Variants in NUDC observed in about 807,000 individuals in gnomAD.
NUDC encodes the protein nuclear migration protein nudC.
Under a neutral mutation model 45.0 loss-of-function variants are expected in NUDC, and 14 were observed. The observed-to-expected ratio is 0.31, with a 90% CI of 0.21 to 0.49. NUDC has a LOEUF of 0.49. NUDC is among the 20% of genes least tolerant of loss of function. The pLI, the probability that NUDC is intolerant of heterozygous loss-of-function variation, is 0.99. For missense variants in NUDC, 323 were observed against 426.2 expected (o/e 0.76, Z 2.13); for synonymous variants, 153 against 156.7 (o/e 0.98, Z 0.17).
intron 1 of NUDC, among the ~76,000 whole-genome samples, chr1:26,901,822 C>T (rs547304666): frequency 1.3e-5 from 2 of 152,194 alleles, no homozygotes; most frequent in South Asian, 4.1e-4. Context: ...TGAGAGACCT[C>T]AAACAAAAGC....
At chr1:26,932,426 G>A (rs556310342) in intron 2 of NUDC, among the ~76,000 whole-genome samples, 10 of 151,950 alleles carry the variant, frequency 6.6e-5, no homozygotes, top group African/African-American at 2.4e-4. Context: ...TGATCCTCCT[G>A]CCTCGACTTC....
At chr1:26,913,996 T>TGCTGTGTTCTGCGCTGTGTTCTGC in intron 3 of NUDC, 1 of 1,337,682 alleles carries the variant, frequency 7.5e-7, no homozygotes, top group Non-Finnish European at 9.7e-7. Context: ...GCGCTGTGGG[T>TGCTGTGTTCTGCGCTGTGTTCTGC]GCTATTTATA....
In NUDC at chr1:26,942,505, G is replaced by C. The variant is rs148882215; in HGVS notation, c.430-155G>C. On this transcript the variant is annotated intron_variant, in intron 4 of 8. Coordinates refer to ENST00000321265, the MANE Select transcript of NUDC (RefSeq NM_006600.4). ...TTTACCTGGTTCCCAGTGGACCAAG[G>C]CTTGGGGGTCTGCCCCTCTGTGGAG... Among the ~76,000 whole-genome samples the C allele has an allele frequency of 4.6e-5, 7 of 152,338 alleles. No individual in the cohort carries two copies. In the East Asian group the frequency reaches 1.4e-3, roughly 29 times the overall value.
chr1:26,900,985 G>T (rs1007166348), intron 1 of NUDC, among the ~76,000 whole-genome samples: 53 of 152,282 alleles, frequency 3.5e-4, no homozygotes, highest in African/African-American at 1.2e-3. Flanking sequence ...AATGCAGCGA[G>T]ACCCACTTTG....
intron 2 of NUDC, among the ~76,000 whole-genome samples, chr1:26,940,119 G>C (rs1370169292): frequency 2.6e-5 from 4 of 152,142 alleles, no homozygotes; most frequent in Non-Finnish European, 5.9e-5. Flanking sequence ...GAGAGAGGGT[G>C]AACAGGCTCT....
chr1:26,924,644 C>G (rs1012493997), intron 2 of NUDC, among the ~76,000 whole-genome samples: 13 of 152,190 alleles, frequency 8.5e-5, no homozygotes, highest in African/African-American at 2.9e-4. Context: ...ACTTTCGCCT[C>G]CTGGGTTCAA....
Position 26,908,178 on chromosome 1 carries a change from TAA to T in NUDC, c.-15-2939_-15-2938del, listed in dbSNP as rs1172613331. 2.8e-5 allele frequency among the ~76,000 whole-genome samples: 4 copies of T among 141,674 alleles called. No individual in the cohort carries two copies. The South Asian group carries it at 6.7e-4, about 24-fold the overall frequency. The allele number at this position is 141,674 out of a possible 152,430, so 92.9% of individuals were successfully genotyped here. A position where few individuals can be genotyped will look rare whatever the true frequency, so the allele number is the denominator to read the frequency against. On this transcript the variant is annotated intron_variant, in intron 2 of 6. Coordinates refer to the NUDC transcript ENST00000435827. ...TGGGCAGCAAGAGTGAAACTCCATCTAAAAAAAAAAAAGAGTCTTAGCACAGA... is the reference window on the plus strand; with the variant it reads ...TGGGCAGCAAGAGTGAAACTCCATCTAAAAAAAAAAGAGTCTTAGCACAGA...
chr1:26,933,884 G>A (rs991973399), intron 2 of NUDC, among the ~76,000 whole-genome samples: 3 of 152,200 alleles, frequency 2.0e-5, no homozygotes, highest in African/African-American at 7.2e-5. Context: ...GCTGGGCACG[G>A]TGGCTCACGC....
intron 2 of NUDC, among the ~76,000 whole-genome samples, chr1:26,934,521 C>A (rs1016085458): frequency 2.1e-4 from 32 of 152,154 alleles, no homozygotes; most frequent in African/African-American, 7.7e-4. Context: ...TCATGCCCTT[C>A]CAACAGCCCC....
intron 2 of NUDC, among the ~76,000 whole-genome samples, chr1:26,908,471 C>T (rs2082011740): frequency 6.6e-6 from 1 of 152,218 alleles, no homozygotes; most frequent in Admixed American, 6.5e-5. Context: ...ACTCAAGAAA[C>T]GCAGACAAGA....
At chr1:26,935,603 C>A (rs961790095) in intron 2 of NUDC, among the ~76,000 whole-genome samples, 1 of 151,884 alleles carries the variant, frequency 6.6e-6, no homozygotes. Context: ...TTCAAATTAC[C>A]CCCCACCAGG....
intron 2 of NUDC, among the ~76,000 whole-genome samples, chr1:26,939,724 G>A (rs532927765): frequency 1.3e-5 from 2 of 152,148 alleles, no homozygotes; most frequent in Admixed American, 6.6e-5. Context: ...TGGCCAGGAG[G>A]GCTTGTTAAA....
chr1:26,913,686 C>CCG lies in NUDC; in HGVS notation c.93+2453_93+2454dup, dbSNP rs1307335604. On this transcript the variant is annotated intron_variant, in intron 3 of 6. Transcript: ENST00000435827. ...GGCCCCAGCAACCCTGCAGCAGCCGCCGCTGGTCCTGGGGAGGCAGCTGCC... is the reference window on the plus strand; with the variant it reads ...GGCCCCAGCAACCCTGCAGCAGCCGCCGCGCTGGTCCTGGGGAGGCAGCTGCC... 4 of 1,612,880 alleles carry CCG rather than the reference C, an allele frequency of 2.5e-6. No individual in the cohort carries two copies. The highest frequency in any genetic ancestry group is 2.5e-6 in the Non-Finnish European group (3 of 1,179,312).
rs899787842 is a variant in NUDC at position 26,945,742 on chromosome 1, C to T, written c.944+56C>T. 8.6e-5 allele frequency: 108 copies of T among 1,252,664 alleles called. No individual in the cohort carries two copies. The Middle Eastern group carries it at 1.0e-3, about 12-fold the overall frequency. 77.6% of individuals were successfully genotyped at this position (1,252,664 alleles called of 1,614,324 possible). ...CGTGGGTGCCTGGGGGCTTAGACTT[C>T]GGTGACAGCAGTGAGTGGATCACTG... On this transcript the variant is annotated intron_variant, in intron 8 of 8. Transcript: ENST00000321265.
In NUDC at chr1:26,910,414, C is replaced by T. The variant is rs1288772815; in HGVS notation, c.-15-714C>T. On this transcript the variant is annotated intron_variant, in intron 2 of 6. Transcript: ENST00000435827. The stretch of plus-strand genomic sequence containing the variant: ...TGTGAGTGAGAGGCTGGGTAAGGGA[C>T]AGGGTTCCCCTTGCTCCTGGCACTG... Among the ~76,000 whole-genome samples the T allele has an allele frequency of 2.3e-4, 35 of 152,116 alleles. 1 individual carries two copies. The highest frequency in any genetic ancestry group is 2.3e-3 in the Admixed American group (35 of 15,270).
chr1:26,924,366 T>C (rs564477817), intron 2 of NUDC, among the ~76,000 whole-genome samples, 200 bp downstream of exon 2: 2 of 152,266 alleles, frequency 1.3e-5, no homozygotes, highest in Admixed American at 1.3e-4. Context: ...CCCATGACTT[T>C]TGCAGTTCTA....
intron 2 of NUDC, among the ~76,000 whole-genome samples, chr1:26,902,824 G>A (rs932613400): frequency 4.6e-5 from 7 of 151,972 alleles, no homozygotes; most frequent in African/African-American, 9.7e-5. Flanking sequence ...TGAGGTGGGC[G>A]GATCACTTGA....
chr1:26,905,152 TTATTA>T, intron 2 of NUDC, among the ~76,000 whole-genome samples: 4 of 127,176 alleles, frequency 3.1e-5, no homozygotes, highest in Middle Eastern at 8.5e-3. Context: ...ATTATTATTA[TTATTA>T]TTTTTTTTTT....
chr1:26,905,162 T>TA (rs1417909367), intron 2 of NUDC, among the ~76,000 whole-genome samples: 5 of 133,004 alleles, frequency 3.8e-5, no homozygotes, highest in South Asian at 2.5e-4. Flanking sequence ...TTATTATTTT[T>TA]TTTTTTTTTT....
Sources: gnomAD v4.1 joint callset for allele counts (sites outside exome capture counted in the v4.1 genomes callset) on GRCh38, gnomAD v4.1.1 for gene constraint, MANE v1.5 for transcripts, NCBI Gene and HGNC (gene_info 2026-07-23, HGNC 2026-07-21) for gene names.